Variants in ASTN2 observed in about 807,000 individuals in gnomAD.
The protein encoded by ASTN2 is astrotactin 2.
In ASTN2, 54 loss-of-function variants were observed where a neutral mutation model predicts 139.8. That is an observed-to-expected ratio of 0.39 (90% CI 0.31 to 0.48). The LOEUF (loss-of-function observed/expected upper bound fraction) is 0.48. ASTN2 is among the 20% of genes least tolerant of loss of function. The probability of loss-of-function intolerance (pLI) is 0.95; values close to 1 mark genes in which losing one functional copy is unlikely to be tolerated. For synonymous variants in ASTN2, 756 were observed against 719.5 expected, an observed-to-expected ratio of 1.05 and a Z score of -0.81; for missense variants, 1,565 against 1,725.1, an observed-to-expected ratio of 0.91 and a Z score of 1.64.
At chr9:117,029,193 G>A (rs1838179729) in intron 6 of ASTN2, among the ~76,000 whole-genome samples, 1 of 152,108 alleles carries the variant, frequency 6.6e-6, no homozygotes, top group Admixed American at 6.5e-5. Flanking sequence ...TACTTCATGA[G>A]GTAATAGAAT....
rs563344636 is a variant in ASTN2, at chr9:116,533,403, T to C, written c.3356-45903A>G. On this transcript the variant is annotated intron_variant, in intron 19 of 22. Coordinates refer to ENST00000313400, the MANE Select transcript of ASTN2 (RefSeq NM_001365068.1). ...CCAGAACTCCCAACGCTATGTTGAA[T>C]AGGAGTGGTGAGAGAGGGTATCCCT... 2.6e-5 allele frequency among the ~76,000 whole-genome samples: 4 copies of C among 152,324 alleles called. No homozygotes were observed. In the East Asian group the frequency reaches 7.7e-4, roughly 29 times the overall value.
chr9:116,549,977 G>T (rs1861881), intron 19 of ASTN2, among the ~76,000 whole-genome samples: 47,364 of 152,032 alleles, frequency 0.31, 7,491 homozygotes, highest in African/African-American at 0.33. Flanking sequence ...ACTCTCCTAC[G>T]CAATGGAACC....
chr9:116,791,055 A>C (rs752713319), intron 13 of ASTN2, among the ~76,000 whole-genome samples: 6 of 151,862 alleles, frequency 4.0e-5, no homozygotes, highest in Non-Finnish European at 8.8e-5. Context: ...AAAGAAAAGA[A>C]AGAAAGAAGG....
chr9:117,285,282 CT>C (rs57546484), intron 2 of ASTN2, among the ~76,000 whole-genome samples: 4,686 of 130,036 alleles, frequency 0.036, 174 homozygotes, highest in African/African-American at 0.11. Context: ...TTGTAAAAAG[CT>C]TTTTTTTTTT....
chr9:117,204,445 C>G (rs970046487), intron 3 of ASTN2, among the ~76,000 whole-genome samples: 8 of 152,210 alleles, frequency 5.3e-5, no homozygotes, highest in African/African-American at 1.7e-4. Flanking sequence ...GTGTTAGCCA[C>G]TATGCTGGAT....
chr9:116,554,668 T>G (rs1852516831), intron 19 of ASTN2, among the ~76,000 whole-genome samples: 1 of 152,136 alleles, frequency 6.6e-6, no homozygotes, highest in East Asian at 1.9e-4. Context: ...GAGGCAACAG[T>G]ATCTGTCTAG....
intron 2 of ASTN2, among the ~76,000 whole-genome samples, chr9:117,247,973 C>G (rs200498058): frequency 6.6e-6 from 1 of 152,312 alleles, no homozygotes; most frequent in Non-Finnish European, 1.5e-5. Flanking sequence ...GACCCCTGCA[C>G]AGTGATCTTT....
chr9:116,600,209 A>C (rs1277356624), intron 19 of ASTN2, among the ~76,000 whole-genome samples: 1 of 151,626 alleles, frequency 6.6e-6, no homozygotes, highest in Non-Finnish European at 1.5e-5. Context: ...TTGTAGTCCC[A>C]GCTACTTGGG....
intron 1 of ASTN2, among the ~76,000 whole-genome samples, chr9:117,303,129 C>G (rs1345526371): frequency 6.6e-6 from 1 of 152,174 alleles, no homozygotes; most frequent in Non-Finnish European, 1.5e-5. Flanking sequence ...TCCCTGACTT[C>G]ACGAACTTCA....
At position 117,414,643 on chromosome 9, in the gene ASTN2, GCGGCTC is replaced by G. The variant is rs1273138589; in HGVS notation, c.290_295del (p.Gly97_Ala98del). On this transcript the variant is annotated inframe_deletion, in exon 1 of 23. Transcript: ENST00000313400. This position sits in a 1 kb window ranked among gnomAD's most constrained non-coding sequence, Gnocchi z 4.2. ...AGAGCCCGGGGACGCGGCGGCGGCG[GCGGCTC>G]CGGCCCCGGTCCCAGCCCCGGCCCC... 3.6e-6 allele frequency: 5 copies of G among 1,386,908 alleles called. No individual in the cohort carries two copies. Among genetic ancestry groups the G allele is most frequent in the Middle Eastern group, 2.7e-4 (1 of 3,704 alleles). 85.9% of individuals were successfully genotyped at this position (1,386,908 alleles called of 1,614,324 possible). A position where few individuals can be genotyped will look rare whatever the true frequency, so the allele number is the denominator to read the frequency against.
At chr9:116,661,733 T>C (rs1444487306) in intron 16 of ASTN2, among the ~76,000 whole-genome samples, 2 of 152,098 alleles carry the variant, frequency 1.3e-5, no homozygotes, top group Non-Finnish European at 1.5e-5. Context: ...AAACTAGGCA[T>C]GCAACCAGGC....
At chr9:116,527,932 CTG>C (rs958948174) in intron 19 of ASTN2, among the ~76,000 whole-genome samples, 14 of 152,284 alleles carry the variant, frequency 9.2e-5, no homozygotes, top group African/African-American at 3.1e-4. Context: ...CCACATAGAA[CTG>C]TGAGTCAAAC....
intron 20 of ASTN2, among the ~76,000 whole-genome samples, chr9:116,447,797 T>C (rs2118906133): frequency 6.6e-6 from 1 of 152,338 alleles, no homozygotes; most frequent in African/African-American, 2.4e-5. Flanking sequence ...TCAATCGCTG[T>C]TGGCATCATC....
At chr9:117,411,874 A>T (rs1156684092) in intron 1 of ASTN2, among the ~76,000 whole-genome samples, 1 of 152,198 alleles carries the variant, frequency 6.6e-6, no homozygotes, top group Non-Finnish European at 1.5e-5. Flanking sequence ...CTCGCCAGAG[A>T]CAAACGTTAG....
chr9:116,432,552 C>T (rs1847530057), intron 22 of ASTN2, among the ~76,000 whole-genome samples: 1 of 152,202 alleles, frequency 6.6e-6, no homozygotes, highest in Non-Finnish European at 1.5e-5. Flanking sequence ...GGGCCAATAA[C>T]AGGTGCTCAA....
chr9:116,487,569 C>T (rs1422861644), intron 19 of ASTN2, 69 bp from the exon 20 acceptor site: 2 of 1,452,688 alleles, frequency 1.4e-6, no homozygotes, highest in African/African-American at 2.8e-5. Flanking sequence ...TTGCTGTCAT[C>T]CAAACCTATC....
At chr9:116,709,164 A>G (rs1280971512) in intron 16 of ASTN2, among the ~76,000 whole-genome samples, 1 of 152,196 alleles carries the variant, frequency 6.6e-6, no homozygotes, top group Non-Finnish European at 1.5e-5. Context: ...AGTTCAACAT[A>G]GCCACTGAGG....
intron 13 of ASTN2, among the ~76,000 whole-genome samples, chr9:116,776,070 G>A (rs1830082019): frequency 6.6e-6 from 1 of 152,160 alleles, no homozygotes; most frequent in Non-Finnish European, 1.5e-5. Flanking sequence ...GGTCTAAATG[G>A]ACAAGCACTA....
chr9:117,382,586 C>T (rs986927749), intron 1 of ASTN2, among the ~76,000 whole-genome samples: 10 of 152,156 alleles, frequency 6.6e-5, no homozygotes, highest in African/African-American at 2.2e-4. Flanking sequence ...TTGCTCTACA[C>T]TAGAATGCTC....
Sources: allele counts gnomAD v4.1 joint callset (sites outside exome capture counted in the v4.1 genomes callset), GRCh38; gene constraint gnomAD v4.1.1; non-coding constraint Gnocchi (gnomAD v3.1); transcripts MANE v1.5; gene names NCBI Gene and HGNC (gene_info 2026-07-23, HGNC 2026-07-21).